Variants in WDR62 observed in about 807,000 individuals in gnomAD.
WDR62 encodes WD repeat domain 62.
A neutral mutation model predicts 160.6 loss-of-function variants in WDR62; 112 were observed. The observed-to-expected ratio is 0.70, with a 90% confidence interval of 0.60 to 0.82. The LOEUF (loss-of-function observed/expected upper bound fraction) is 0.82. WDR62 is among the 40% of genes least tolerant of loss of function. The pLI is 0.00. For missense variants in WDR62, 1,819 were observed against 1,983.8 expected, an observed-to-expected ratio of 0.92 and a Z score of 1.58; for synonymous variants, 792 against 815.1, an observed-to-expected ratio of 0.97 and a Z score of 0.48.
In WDR62 at chr19:36,081,538, G is replaced by A. The variant is rs752636771; in HGVS notation, c.1339G>A (p.Asp447Asn). 9 of 1,614,052 alleles carry A rather than the reference G, an allele frequency of 5.6e-6. No homozygotes were observed. The highest frequency in any genetic ancestry group is 7.6e-6 in the Non-Finnish European group (9 of 1,180,042). ...CTTCTGGAACTTGGACAGCAGCCCTGATTCTCACTGGCAGAAAAACATCTT... is the reference window on the plus strand; with the variant it reads ...CTTCTGGAACTTGGACAGCAGCCCTAATTCTCACTGGCAGAAAAACATCTT... ...IRFWNLDSSPDSHWQKNIFSN... is the reference protein window; with the variant it reads ...IRFWNLDSSPNSHWQKNIFSN... The change falls in exon 10 of 32, where the codon GAT (aspartate) becomes AAT (asparagine). Residue 447 changes from aspartate to asparagine, a missense_variant. Physicochemically the swap from Asp to Asn is conservative, Grantham distance 23. This residue lies in a region of WDR62 where 934 missense variants were observed against 1,157.2 expected (regional missense o/e 0.81). Transcript: ENST00000401500.
chr19:36,065,820 C>T, intron 3 of WDR62, 138 bp from the exon 4 acceptor site: 1 of 838,664 alleles, frequency 1.2e-6, no homozygotes, highest in East Asian at 2.4e-5. Flanking sequence ...TCTGTGGGAG[C>T]TGCTTGAGCT....
At chr19:36,059,558 A>C (rs541967106) in intron 2 of WDR62, among the ~76,000 whole-genome samples, 1 of 151,812 alleles carries the variant, frequency 6.6e-6, no homozygotes, top group South Asian at 2.1e-4. Context: ...TCCCATCTTC[A>C]CCTCCCATGT....
intron 26 of WDR62, 25 bp downstream of exon 26, chr19:36,102,176 T>C (rs750345729): frequency 6.2e-7 from 1 of 1,613,780 alleles, no homozygotes; most frequent in Non-Finnish European, 8.5e-7. Flanking sequence ...CACCCACACC[T>C]GCCGAGGCCG....
chr19:36,060,010 G>C lies in WDR62; in HGVS notation c.312G>C (p.Gln104His), dbSNP rs147233038. ...VILDPKENKQ[Q>H]HIFNTARKSL... ...TGGACCCCAAGGAGAACAAGCAGCA[G>C]CACATCTTTAACACCGCCAGGTAGG... The change falls in exon 3 of 32, where the codon CAG (glutamine) becomes CAC (histidine). Residue 104 changes from glutamine to histidine, a missense_variant. Gln to His is a conservative substitution (Grantham distance 24). Transcript: ENST00000401500. 2.1e-4 allele frequency: 339 copies of C among 1,614,222 alleles called. 2 individuals are homozygous for C. In the East Asian group the frequency reaches 7.2e-3, roughly 34 times the overall value.
chr19:36,071,499 C>A (rs998015677), intron 7 of WDR62, 57 bp from the exon 8 acceptor site: 66 of 1,610,518 alleles, frequency 4.1e-5, no homozygotes, highest in Admixed American at 1.5e-4. Context: ...GTCCCCATAT[C>A]CCCGGGCCAG....
intron 20 of WDR62, among the ~76,000 whole-genome samples, chr19:36,095,490 C>T (rs1479045381): frequency 6.6e-6 from 1 of 152,204 alleles, no homozygotes; most frequent in Admixed American, 6.5e-5. Context: ...ACCACCTGAC[C>T]AGGCATCAAA....
chr19:36,092,308 CAAAAA>C (rs557921076), intron 18 of WDR62, among the ~76,000 whole-genome samples: 1 of 81,206 alleles, frequency 1.2e-5, no homozygotes, highest in African/African-American at 4.6e-5. Flanking sequence ...AAGACTCTCT[CAAAAA>C]AAAAAAAAAA....
chr19:36,110,639 G>A, the WDR62 span, among the ~76,000 whole-genome samples: 2 of 152,264 alleles, frequency 1.3e-5, no homozygotes, highest in Non-Finnish European at 2.9e-5. Flanking sequence ...CTGGGAATCT[G>A]AAGATCAGAG....
chr19:36,096,389 C>T (rs544958672), intron 20 of WDR62, among the ~76,000 whole-genome samples: 17 of 152,290 alleles, frequency 1.1e-4, no homozygotes, highest in Middle Eastern at 3.4e-3. Flanking sequence ...AGGCTTGAGC[C>T]AGTATGCCTG....
intron 15 of WDR62, among the ~76,000 whole-genome samples, chr19:36,089,613 T>C (rs1274125406): frequency 1.3e-5 from 2 of 152,212 alleles, no homozygotes; most frequent in Non-Finnish European, 2.9e-5. Flanking sequence ...AGCTAATTTT[T>C]TGTATTTTTA....
At chr19:36,108,864 A>AAAC (rs1555725716), downstream of WDR62, among the ~76,000 whole-genome samples, 1 of 146,700 alleles carries the variant, frequency 6.8e-6, no homozygotes, top group Non-Finnish European at 1.5e-5. Context: ...AAAAAAAAAA[A>AAAC]AAAAAAAAAA....
intron 9 of WDR62, chr19:36,073,792 A>T: frequency 1.9e-6 from 1 of 521,772 alleles, no homozygotes; most frequent in Admixed American, 2.3e-5. Flanking sequence ...TGAGGCGGGG[A>T]AGGGGAAGGG....
In WDR62 at chr19:36,102,983, G is replaced by A. The variant is rs965986022; in HGVS notation, c.3371G>A (p.Cys1124Tyr). The change falls in exon 28 of 32, where the codon TGC (cysteine) becomes TAC (tyrosine). Residue 1124 changes from cysteine (C) to tyrosine (Y), a missense_variant. By Grantham distance (194) the Cys-to-Tyr change is radical. Transcript: ENST00000401500. The part of the protein sequence containing the change: ...THTFPPRATQ[C>Y]LVKSPEVKLM... ...ACCTTCCCTCCCCGGGCAACCCAGT[G>A]CCTTGTGAAGTCTCCAGAGGTCAAG... 6.2e-7 allele frequency: 1 copy of A among 1,614,120 alleles called. No homozygotes were observed. The highest frequency in any genetic ancestry group is 1.1e-5 in the South Asian group (1 of 91,084).
intron 3 of WDR62, chr19:36,061,772 C>T (rs1165052136): frequency 6.6e-6 from 1 of 152,154 alleles, no homozygotes; most frequent in Admixed American, 6.5e-5. Flanking sequence ...CCCTGTGCCT[C>T]ACCGCCCCCC....
rs199550399 is a variant in WDR62 at position 36,099,663 on chromosome 19, C to T, written c.2739+46C>T. On this transcript the variant is annotated intron_variant, in intron 22 of 31. Coordinates refer to ENST00000401500, the MANE Select transcript of WDR62 (RefSeq NM_001083961.2). Reference sequence around the variant, plus strand: ...CTGGCCCATAGCCCCGGCACCGTGACGGCCCCAGGGCCTGGCGCCTTAGGC... The same window carrying T: ...CTGGCCCATAGCCCCGGCACCGTGATGGCCCCAGGGCCTGGCGCCTTAGGC... 132 of 1,597,008 alleles carry T rather than the reference C, an allele frequency of 8.3e-5. 1 individual carries two copies. Among genetic ancestry groups the T allele is most frequent in the East Asian group, 8.3e-4 (37 of 44,790 alleles).
chr19:36,056,485 A>C (rs966780519), intron 1 of WDR62, among the ~76,000 whole-genome samples: 14 of 152,076 alleles, frequency 9.2e-5, no homozygotes, highest in African/African-American at 3.4e-4. Context: ...TTTTTGCTGC[A>C]ATCTGCCTGT....
In WDR62 at chr19:36,094,561, A is replaced by G. The variant is rs182479052; in HGVS notation, c.2467+397A>G. ...AGAGCAAGACTCCGTCTCAAAAATA[A>G]TAATAATAATAATAATATAAATAAA... On this transcript the variant is annotated intron_variant, in intron 20 of 31. Coordinates refer to ENST00000401500, the MANE Select transcript of WDR62 (RefSeq NM_001083961.2). Among the ~76,000 whole-genome samples, 1,382 of 150,334 alleles carry G rather than the reference A, an allele frequency of 9.2e-3. 29 individuals carry two copies. The highest frequency in any genetic ancestry group is 0.033 in the African/African-American group (1,333 of 40,766).
At chr19:36,110,468 T>A in the WDR62 span, among the ~76,000 whole-genome samples, 1 of 151,604 alleles carries the variant, frequency 6.6e-6, no homozygotes, top group African/African-American at 2.4e-5. Flanking sequence ...TGAAACTCCG[T>A]CTCAAAAAAA....
chr19:36,099,221 CAAAAAAAAAAAA>C lies in WDR62; in HGVS notation c.2521-166_2521-155del, dbSNP rs71167592. Among the ~76,000 whole-genome samples the C allele has an allele frequency of 0.013, 1,019 of 76,374 alleles. 28 individuals carry two copies. The highest frequency in any genetic ancestry group is 0.05 in the African/African-American group (984 of 19,542). The allele number at this position is 76,374 out of a possible 152,430, so 50.1% of individuals were successfully genotyped here. ...TGGGAGACAGAGCAAGACTTCGTCT[CAAAAAAAAAAAA>C]AAAAAAAAAAACAGAGAAAGGTTCA... On this transcript the variant is annotated intron_variant, in intron 21 of 31. Coordinates refer to ENST00000401500, the MANE Select transcript of WDR62 (RefSeq NM_001083961.2).
Sources: gnomAD v4.1 joint callset for allele counts (sites outside exome capture counted in the v4.1 genomes callset) on GRCh38, gnomAD v4.1.1 for gene constraint, gnomAD v4.1.1 regional missense constraint, MANE v1.5 for transcripts, NCBI Gene and HGNC (gene_info 2026-07-23, HGNC 2026-07-21) for gene names.